Variants in GCC2 observed in about 807,000 individuals in gnomAD.
GCC2 encodes the protein GRIP and coiled-coil domain containing 2, also known as GRIP and coiled-coil domain-containing protein 2.
In GCC2, 120 loss-of-function variants were observed where a neutral mutation model predicts 210.6. That is an observed-to-expected ratio of 0.57 (90% CI 0.49 to 0.66). The LOEUF is 0.66. Ranked by LOEUF, GCC2 falls within the 30% of genes least tolerant of loss-of-function variation. GCC2 has a pLI of 0.00. For synonymous variants in GCC2, 703 were observed against 652.7 expected, an observed-to-expected ratio of 1.08 and a Z score of -1.17; for missense variants, 1,868 against 1,871.9, an observed-to-expected ratio of 1.00 and a Z score of 0.04.
In GCC2 at chr2:108,484,428, C is replaced by G. The variant is rs560151179; in HGVS notation, c.3613+117C>G. The G allele has an allele frequency of 1.1e-3, 672 of 606,734 alleles. 2 individuals are homozygous for G. Among genetic ancestry groups the G allele is most frequent in the Admixed American group, 3.1e-3 (88 of 28,650 alleles). 37.6% of individuals were successfully genotyped at this position (606,734 alleles called of 1,614,324 possible). On this transcript the variant is annotated intron_variant, in intron 13 of 22. Transcript: ENST00000309863. ...TTCACTGTCAGTCAGGTGTTTAACA[C>G]AGTGATAAATGTTACTGGGGACCCA... is the stretch of plus-strand genomic sequence containing the variant.
At chr2:108,483,983 A>G (rs921729440) in intron 12 of GCC2, among the ~76,000 whole-genome samples, 166 bp from the exon 13 acceptor site, 1 of 152,170 alleles carries the variant, frequency 6.6e-6, no homozygotes, top group Non-Finnish European at 1.5e-5. Context: ...AAAGTAGAAA[A>G]TATCCAACTC....
chr2:108,470,166 C>T lies in GCC2; in HGVS notation c.837C>T (p.Asn279=), dbSNP rs1220165389. 2 of 1,613,316 alleles carry T rather than the reference C, an allele frequency of 1.2e-6. No individual in the cohort carries two copies. Among genetic ancestry groups the T allele is most frequent in the Non-Finnish European group, 1.7e-6 (2 of 1,179,778 alleles). The change falls in exon 6 of 23, where the codon AAC becomes AAT. Residue 279 remains asparagine, a synonymous_variant. Transcript: ENST00000309863. ...ATAAGTTGAACGAGCTAAAAGAGAACTTAGTAAAACAATGTGAGGCAAGTG... is the reference window on the plus strand; with the variant it reads ...ATAAGTTGAACGAGCTAAAAGAGAATTTAGTAAAACAATGTGAGGCAAGTG... ...EINKLNELKE[N]LVKQCEASEK... is the part of the protein sequence containing the mutation.
At chr2:108,449,970 G>T (rs772586984) in intron 2 of GCC2, 1 of 375,666 alleles carries the variant, frequency 2.7e-6, no homozygotes, top group Non-Finnish European at 4.9e-6. Context: ...ATATAGTGGT[G>T]TAGTGGAAGG....
At chr2:108,468,799 G>A (rs1185054566) in intron 4 of GCC2, among the ~76,000 whole-genome samples, 181 bp from the exon 5 acceptor site, 1 of 152,190 alleles carries the variant, frequency 6.6e-6, no homozygotes, top group Non-Finnish European at 1.5e-5. Context: ...GTTTTCCAAA[G>A]ATGTGTTGAA....
chr2:108,465,247 A>G (rs1297919779), intron 4 of GCC2, among the ~76,000 whole-genome samples: 3 of 152,130 alleles, frequency 2.0e-5, no homozygotes, highest in Non-Finnish European at 4.4e-5. Context: ...GTAATTATCT[A>G]CTCACTATTT....
In GCC2 at chr2:108,470,189, G is replaced by C. The variant is rs748344811; in HGVS notation, c.860G>C (p.Ser287Thr). The C allele has an allele frequency of 4.3e-6, 7 of 1,613,254 alleles. 1 individual carries two copies. The South Asian group carries it at 7.7e-5, about 18-fold the overall frequency. The part of the protein sequence containing the change: ...KENLVKQCEA[S>T]EKNIQKKYEC... ...AACTTAGTAAAACAATGTGAGGCAA[G>C]TGAAAAGAACATCCAGAAGAAATAT... The change falls in exon 6 of 23, where the codon AGT becomes ACT. Residue 287 changes from serine to threonine, a missense_variant. By Grantham distance (58) the Ser-to-Thr change is moderately conservative (BLOSUM62 1). Transcript: ENST00000309863.
chr2:108,501,883 T>A (rs1377257979), intron 22 of GCC2, among the ~76,000 whole-genome samples: 1 of 152,144 alleles, frequency 6.6e-6, no homozygotes, highest in Non-Finnish European at 1.5e-5. Flanking sequence ...ATCTTTCTAA[T>A]GATGAAGGAG....
At chr2:108,495,228 T>TA in intron 19 of GCC2, 63 bp from the exon 20 acceptor site, 1 of 1,012,104 alleles carries the variant, frequency 9.9e-7, no homozygotes, top group Non-Finnish European at 1.5e-6. Context: ...TGTGTATCTC[T>TA]GTAAGGCCAA....
intron 22 of GCC2, among the ~76,000 whole-genome samples, chr2:108,504,795 A>C (rs1257952535): frequency 6.6e-6 from 1 of 152,192 alleles, no homozygotes; most frequent in Non-Finnish European, 1.5e-5. Context: ...ACTGTGTTAC[A>C]GTTTACAGAT....
intron 7 of GCC2, chr2:108,473,191 C>G: frequency 3.6e-6 from 1 of 281,284 alleles, no homozygotes. Context: ...CCCAACTATT[C>G]TAGACCCTGG....
Position 108,492,589 on chromosome 2 carries a change from T to A in GCC2, c.4246T>A (p.Ser1416Thr). 1 of 1,609,102 alleles carries A rather than the reference T, an allele frequency of 6.2e-7. No individual in the cohort carries two copies. The highest frequency in any genetic ancestry group is 8.5e-7 in the Non-Finnish European group (1 of 1,175,462). Residue 1416 changes from serine to threonine, a missense_variant, in exon 19 of 23, where the codon TCA becomes ACA. This residue lies in a region of GCC2 where 1,847 missense variants were observed against 1,765.2 expected (regional missense o/e 1.05). Transcript: ENST00000309863. ...ELREKLCSIQ[S>T]ENMMMKSEHT... is the part of the protein sequence containing the mutation. ...ATCTTTCAGATTGTGTTCAATACAGTCAGAGAACATGATGATGAAATCTGA... is the reference window on the plus strand; with the variant it reads ...ATCTTTCAGATTGTGTTCAATACAGACAGAGAACATGATGATGAAATCTGA...
In GCC2 at chr2:108,471,582, G is replaced by A. The variant is rs1681222023; in HGVS notation, c.2253G>A (p.Gln751=). The change falls in exon 6 of 23, where the codon CAG becomes CAA. Residue 751 remains glutamine, a synonymous_variant. Coordinates refer to ENST00000309863, the MANE Select transcript of GCC2 (RefSeq NM_181453.4). ...LNKLLENEQV[Q]KLFVKTQLYG... ...AACTGCTTGAAAATGAGCAAGTTCA[G>A]AAGTTATTTGTTAAAACTCAGTTGT... The A allele has an allele frequency of 1.2e-6, 2 of 1,611,812 alleles. No individual in the cohort carries two copies. The highest frequency in any genetic ancestry group is 1.7e-6 in the Non-Finnish European group (2 of 1,179,206).
At chr2:108,487,900 ATTTT>A (rs1008834430) in intron 17 of GCC2, 80 bp downstream of exon 17, 3,104 of 643,524 alleles carry the variant, frequency 4.8e-3, no homozygotes, top group East Asian at 6.8e-3. Context: ...TCCTATTATG[ATTTT>A]TTTTTTTTTT....
chr2:108,460,895 C>G (rs1386176801), intron 4 of GCC2, among the ~76,000 whole-genome samples: 1 of 152,172 alleles, frequency 6.6e-6, no homozygotes, highest in Non-Finnish European at 1.5e-5. Flanking sequence ...AAGTGTGTAG[C>G]ATTTTCGCCT....
chr2:108,462,913 A>C (rs1046527324), intron 4 of GCC2, among the ~76,000 whole-genome samples: 1 of 150,020 alleles, frequency 6.7e-6, no homozygotes. Flanking sequence ...TTTTTTGACT[A>C]TATCAGAAAA....
rs10168486 is a variant in GCC2 at position 108,485,260 on chromosome 2, A to G, written c.3614-376A>G. Among the ~76,000 whole-genome samples, 1,393 of 151,814 alleles carry G rather than the reference A, an allele frequency of 9.2e-3. 22 individuals are homozygous for G. Among genetic ancestry groups the G allele is most frequent in the Middle Eastern group, 0.031 (9 of 294 alleles). On this transcript the variant is annotated intron_variant, in intron 13 of 22. Transcript: ENST00000309863. ...TGGGCGCAGCACACCAGCATGGCAC[A>G]TGTATACATATGTAACTAACCTGCA...
Position 108,471,366 on chromosome 2 carries a change from CAAAG to C in GCC2, c.2040_2043del (p.Glu681TyrfsTer6), listed in dbSNP as rs759852289. ...TTCAAATGAAAGTTCTCTCTGAAGA[CAAAG>C]AAGTATTGTCAGCTGAAGTGAAGTC... is the stretch of plus-strand genomic sequence containing the variant. On this transcript the variant is annotated frameshift_variant, in exon 6 of 23. Transcript: ENST00000309863. LOFTEE classifies it high-confidence loss of function. The C allele has an allele frequency of 5.6e-6, 9 of 1,609,516 alleles. No individual in the cohort carries two copies. Among genetic ancestry groups the C allele is most frequent in the Non-Finnish European group, 7.6e-6 (9 of 1,178,846 alleles).
intron 4 of GCC2, among the ~76,000 whole-genome samples, chr2:108,467,855 C>T (rs1194422783): frequency 6.6e-6 from 1 of 152,028 alleles, no homozygotes; most frequent in Non-Finnish European, 1.5e-5. Context: ...TGATCTGTCC[C>T]TTGAAAATTT....
rs539351545 is a variant in GCC2 at position 108,508,120 on chromosome 2, C to A, written c.*490C>A. On this transcript the variant is annotated 3_prime_UTR_variant, in exon 23 of 23. Coordinates refer to ENST00000309863, the MANE Select transcript of GCC2 (RefSeq NM_181453.4). ...CTGTGACTCCCACTGCACTCCAGCT[C>A]GGGGAACAGAGCGAGACCTTGTCTC... 557 of 142,380 alleles carry A rather than the reference C, an allele frequency of 3.9e-3. 54 individuals carry two copies. The highest frequency in any genetic ancestry group is 6.4e-3 in the Non-Finnish European group (413 of 64,308). 8.8% of individuals were successfully genotyped at this position (142,380 alleles called of 1,614,324 possible). A position where few individuals can be genotyped will look rare whatever the true frequency, so the allele number is the denominator to read the frequency against.
Sources: gnomAD v4.1 joint callset for allele counts (sites outside exome capture counted in the v4.1 genomes callset) on GRCh38, gnomAD v4.1.1 for gene constraint, gnomAD v4.1.1 regional missense constraint, MANE v1.5 for transcripts, NCBI Gene and HGNC (gene_info 2026-07-23, HGNC 2026-07-21) for gene names.